FAM110B: variants seen among roughly 807,000 people sequenced by gnomAD.
The protein encoded by FAM110B is family with sequence similarity 110 member B, also known as protein FAM110B.
FAM110B carries 6 observed loss-of-function variants against 20.4 expected under a neutral mutation model. That is an observed-to-expected ratio of 0.29 (90% CI 0.16 to 0.58). FAM110B has a LOEUF of 0.58. Ranked by LOEUF, FAM110B falls within the 20% of genes least tolerant of loss-of-function variation. The pLI, the probability that FAM110B is intolerant of heterozygous loss-of-function variation, is 0.90. For missense variants in FAM110B, 434 were observed against 498.2 expected (o/e 0.87, Z 1.23); for synonymous variants, 226 against 214.1 (o/e 1.06, Z -0.49).
intron 2 of FAM110B, among the ~76,000 whole-genome samples, chr8:58,061,336 T>G (rs1249553206): frequency 1.3e-5 from 2 of 152,232 alleles, no homozygotes; most frequent in Non-Finnish European, 2.9e-5. Flanking sequence ...TTACAGAATA[T>G]TTCTGTGGCG....
chr8:58,112,164 A>G (rs1025403560), intron 3 of FAM110B, among the ~76,000 whole-genome samples: 2 of 151,692 alleles, frequency 1.3e-5, no homozygotes, highest in African/African-American at 4.8e-5. Context: ...TGTCTGTACT[A>G]AAAAAAATAC....
At chr8:58,029,101 G>T (rs564305387) in intron 1 of FAM110B, among the ~76,000 whole-genome samples, 1 of 152,204 alleles carries the variant, frequency 6.6e-6, no homozygotes, top group African/African-American at 2.4e-5. Context: ...GCTGACCTGG[G>T]TGACCCAAGT....
At chr8:58,084,042 G>T (rs1257627504) in intron 3 of FAM110B, among the ~76,000 whole-genome samples, 4 of 152,142 alleles carry the variant, frequency 2.6e-5, no homozygotes, top group African/African-American at 9.7e-5. Flanking sequence ...GTGTGTATTT[G>T]AATCTTTGGT....
At chr8:58,043,250 A>G (rs1585836615) in intron 2 of FAM110B, 1 of 152,214 alleles carries the variant, frequency 6.6e-6, no homozygotes, top group Non-Finnish European at 1.5e-5. Context: ...GCTGCGATGC[A>G]CCAGCCCGGT....
At chr8:58,040,553 T>C (rs1256224191) in intron 2 of FAM110B, among the ~76,000 whole-genome samples, 1 of 152,148 alleles carries the variant, frequency 6.6e-6, no homozygotes, top group Non-Finnish European at 1.5e-5. Flanking sequence ...CAGTGGCCAT[T>C]AGCCCACCCA....
At chr8:58,070,927 A>G (rs1181870291) in intron 2 of FAM110B, among the ~76,000 whole-genome samples, 1 of 152,176 alleles carries the variant, frequency 6.6e-6, no homozygotes, top group Non-Finnish European at 1.5e-5. Flanking sequence ...AGCCTTTTGA[A>G]TACAGAGAGG....
chr8:58,031,953 T>C (rs890968772), intron 2 of FAM110B, among the ~76,000 whole-genome samples: 3 of 152,208 alleles, frequency 2.0e-5, no homozygotes, highest in Non-Finnish European at 2.9e-5. Flanking sequence ...ACACACACTT[T>C]ATTCCAACTT....
intron 3 of FAM110B, among the ~76,000 whole-genome samples, chr8:58,129,843 T>A (rs887489638): frequency 8.5e-5 from 13 of 152,224 alleles, no homozygotes; most frequent in Admixed American, 3.3e-4. Flanking sequence ...ACCTCCCTCT[T>A]CTTTACTGTC....
intron 3 of FAM110B, among the ~76,000 whole-genome samples, chr8:58,088,294 C>G (rs1806387147): frequency 6.6e-6 from 1 of 152,182 alleles, no homozygotes; most frequent in Admixed American, 6.5e-5. Flanking sequence ...AGTCTTCCCT[C>G]TTACCCAAGT....
intron 3 of FAM110B, among the ~76,000 whole-genome samples, chr8:58,078,510 A>G (rs1226672199): frequency 6.6e-6 from 1 of 150,652 alleles, no homozygotes; most frequent in Non-Finnish European, 1.5e-5. Context: ...TTCTCCTTGA[A>G]GGTTTCCTTT....
At chr8:58,072,342 CT>C (rs1166872757) in intron 2 of FAM110B, among the ~76,000 whole-genome samples, 1 of 152,096 alleles carries the variant, frequency 6.6e-6, no homozygotes, top group Non-Finnish European at 1.5e-5. Flanking sequence ...GTCTTAAAGA[CT>C]TTCTGTGTGG....
At chr8:58,095,501 G>T (rs1192585016) in intron 3 of FAM110B, among the ~76,000 whole-genome samples, 1 of 152,124 alleles carries the variant, frequency 6.6e-6, no homozygotes, top group Non-Finnish European at 1.5e-5. Flanking sequence ...TATTTTTCTA[G>T]TAGTCATTCA....
At chr8:58,013,032 T>C (rs1039827935) in intron 1 of FAM110B, among the ~76,000 whole-genome samples, 3 of 152,096 alleles carry the variant, frequency 2.0e-5, no homozygotes, top group Non-Finnish European at 4.4e-5. Flanking sequence ...CCCCCCGGGC[T>C]GTCACTTCTG....
At chr8:58,138,533 G>GC (rs1803674127) in intron 3 of FAM110B, among the ~76,000 whole-genome samples, 1 of 152,112 alleles carries the variant, frequency 6.6e-6, no homozygotes, top group Non-Finnish European at 1.5e-5. Flanking sequence ...TTTTTGGGTG[G>GC]CCTTGAATTC....
At chr8:58,053,789 C>T (rs1805501690) in intron 2 of FAM110B, among the ~76,000 whole-genome samples, 2 of 152,150 alleles carry the variant, frequency 1.3e-5, no homozygotes, top group East Asian at 3.8e-4. Context: ...CCTTCTAGAA[C>T]TTCAGCTCAC....
rs543259645 is a variant in FAM110B at position 58,064,673 on chromosome 8, A to C, written c.-413-10862A>C. Among the ~76,000 whole-genome samples the C allele has an allele frequency of 1.7e-4, 26 of 152,326 alleles. No homozygotes were observed. In the South Asian group the frequency reaches 5.0e-3, roughly 29 times the overall value. ...AGTGGGGAGAATTTAGATGATGTTT[A>C]CTAAGTGCTAGGCACTCCCTAAATG... On this transcript the variant is annotated intron_variant, in intron 2 of 3. Coordinates refer to ENST00000519262, the MANE Select transcript of FAM110B (RefSeq NM_001377989.1).
intron 3 of FAM110B, among the ~76,000 whole-genome samples, chr8:58,141,948 A>G (rs1473226292): frequency 2.6e-5 from 4 of 152,158 alleles, no homozygotes; most frequent in Non-Finnish European, 4.4e-5. Flanking sequence ...TATGAGGTTC[A>G]TTCTCTATAT....
chr8:58,027,573 G>A (rs570011652), intron 1 of FAM110B, among the ~76,000 whole-genome samples: 4 of 152,212 alleles, frequency 2.6e-5, no homozygotes, highest in South Asian at 2.1e-4. Flanking sequence ...ATCACCCTGC[G>A]TGTTCTGTCG....
chr8:58,038,769 T>A (rs1329667161), intron 2 of FAM110B, among the ~76,000 whole-genome samples: 1 of 149,046 alleles, frequency 6.7e-6, no homozygotes, highest in African/African-American at 2.5e-5. Flanking sequence ...AAAAAAAAAA[T>A]CTCTGAAAAG....
Sources: gnomAD v4.1 joint callset for allele counts (sites outside exome capture counted in the v4.1 genomes callset) on GRCh38, gnomAD v4.1.1 for gene constraint, MANE v1.5 for transcripts, NCBI Gene and HGNC (gene_info 2026-07-23, HGNC 2026-07-21) for gene names.